ZC3H4: variants seen among roughly 807,000 people sequenced by gnomAD.
The protein encoded by ZC3H4 is zinc finger CCCH domain-containing protein 4.
A neutral mutation model predicts 108.3 loss-of-function variants in ZC3H4; 13 were observed. The ratio of observed to expected loss-of-function variants is 0.12; its 90% CI spans 0.08 to 0.19. The LOEUF (loss-of-function observed/expected upper bound fraction) is 0.19, where lower values mean the gene tolerates loss of function less well. Among genes scored for constraint, ZC3H4 ranks in the 10% least tolerant of loss-of-function variants. The probability of loss-of-function intolerance (pLI) is 1.00; values close to 1 mark genes in which losing one functional copy is unlikely to be tolerated. For missense variants in ZC3H4, 1,734 were observed against 1,838.8 expected (o/e 0.94, Z 1.04); for synonymous variants, 917 against 749.6 (o/e 1.22, Z -3.65).
At chr19:47,111,643 T>C (rs553039835) in intron 2 of ZC3H4, among the ~76,000 whole-genome samples, 1 of 151,594 alleles carries the variant, frequency 6.6e-6, no homozygotes, top group East Asian at 2.0e-4. Flanking sequence ...GAGTCTTCTC[T>C]AAAAAAATAG....
intron 11 of ZC3H4, 101 bp downstream of exon 11, chr19:47,081,411 TG>T: frequency 1.1e-6 from 1 of 885,450 alleles, no homozygotes. Context: ...TCAACCAAAC[TG>T]GGCACTGCAG....
At chr19:47,070,161 C>T (rs2057300943) in intron 13 of ZC3H4, among the ~76,000 whole-genome samples, 2 of 152,110 alleles carry the variant, frequency 1.3e-5, no homozygotes, top group South Asian at 4.1e-4. Flanking sequence ...GTCAGTGCTG[C>T]CCCACAGAAC....
chr19:47,095,636 T>C (rs1215616394), intron 2 of ZC3H4, among the ~76,000 whole-genome samples: 1 of 152,002 alleles, frequency 6.6e-6, no homozygotes, highest in African/African-American at 2.4e-5. Context: ...TAAATATCTA[T>C]GGGGTGGGGT....
chr19:47,075,610 GCACA>G (rs913309094), intron 11 of ZC3H4, among the ~76,000 whole-genome samples: 1 of 151,604 alleles, frequency 6.6e-6, no homozygotes, highest in African/African-American at 2.4e-5. Context: ...GTGTGTGTGC[GCACA>G]CACACATACA....
chr19:47,081,008 G>A (rs958584622), intron 11 of ZC3H4, among the ~76,000 whole-genome samples: 1 of 152,022 alleles, frequency 6.6e-6, no homozygotes, highest in Non-Finnish European at 1.5e-5. Context: ...GCCTGCCTTG[G>A]CCTCCCAAAG....
chr19:47,112,266 G>GAGCA (rs2058049963), intron 2 of ZC3H4, 158 bp downstream of exon 2: 1 of 1,135,082 alleles, frequency 8.8e-7, no homozygotes, highest in Admixed American at 4.3e-5. Context: ...AAGAGCGAGC[G>GAGCA]AGCAAGCGAT....
At chr19:47,112,109 G>C (rs1049569286) in intron 2 of ZC3H4, 1 of 1,055,540 alleles carries the variant, frequency 9.5e-7, no homozygotes, top group East Asian at 6.5e-5. Flanking sequence ...CCCCAGGACA[G>C]GCGGACGGGC....
chr19:47,072,852 G>A lies in ZC3H4; in HGVS notation c.1441-139C>T. ...GATCTAAAGGCATAAAGACCACAAT[G>A]GCTCTGTAACAAAAATCATCATCAG... is the stretch of plus-strand genomic sequence containing the variant. On this transcript the variant is annotated intron_variant, in intron 11 of 14. Coordinates refer to ENST00000253048, the MANE Select transcript of ZC3H4 (RefSeq NM_015168.2). The surrounding 1 kb of genome is among the most constrained non-coding windows in gnomAD (Gnocchi z 5.6). 1.0e-6 allele frequency: 1 copy of A among 964,632 alleles called. No individual in the cohort carries two copies. Among genetic ancestry groups the A allele is most frequent in the Non-Finnish European group, 1.5e-6 (1 of 663,476 alleles). 59.8% of individuals were successfully genotyped at this position (964,632 alleles called of 1,614,324 possible). A position where few individuals can be genotyped will look rare whatever the true frequency, so the allele number is the denominator to read the frequency against.
chr19:47,078,891 G>GT (rs1410516440), intron 11 of ZC3H4, among the ~76,000 whole-genome samples: 2 of 151,900 alleles, frequency 1.3e-5, no homozygotes, highest in African/African-American at 4.8e-5. Flanking sequence ...GCCGGGTGTG[G>GT]TGGTGGGCGC....
At chr19:47,109,088 C>A (rs1444911795) in intron 2 of ZC3H4, among the ~76,000 whole-genome samples, 1 of 152,096 alleles carries the variant, frequency 6.6e-6, no homozygotes, top group South Asian at 2.1e-4. Flanking sequence ...CTGAGTGACA[C>A]CCTTTTCTTT....
chr19:47,081,789 GGA>G (rs1568544864), intron 10 of ZC3H4, among the ~76,000 whole-genome samples, 167 bp from the exon 11 acceptor site: 1 of 152,192 alleles, frequency 6.6e-6, no homozygotes, highest in Non-Finnish European at 1.5e-5. Context: ...GGAAATCCAC[GGA>G]GAGACCCCGG....
intron 2 of ZC3H4, among the ~76,000 whole-genome samples, chr19:47,107,013 A>G (rs1227378633): frequency 6.6e-6 from 1 of 152,150 alleles, no homozygotes; most frequent in Admixed American, 6.6e-5. Flanking sequence ...TACAGCACTG[A>G]CTCGGACTCT....
intron 2 of ZC3H4, among the ~76,000 whole-genome samples, chr19:47,103,005 C>A (rs1261010501): frequency 1.3e-5 from 2 of 152,136 alleles, no homozygotes; most frequent in African/African-American, 2.4e-5. Flanking sequence ...CTTGTGGAGA[C>A]AAAGATGCCA....
chr19:47,072,744 G>A lies in ZC3H4; in HGVS notation c.1441-31C>T. 3 of 1,610,998 alleles carry A rather than the reference G, an allele frequency of 1.9e-6. No homozygotes were observed. The highest frequency in any genetic ancestry group is 2.5e-6 in the Non-Finnish European group (3 of 1,179,628). The stretch of plus-strand genomic sequence containing the variant: ...GGTGTGAAAGAACAAAAGAAGGTGT[G>A]GACGGGGTCAGGATGGAAACGGACC... On this transcript the variant is annotated intron_variant, in intron 11 of 14. Transcript: ENST00000253048. This position sits in a 1 kb window ranked among gnomAD's most constrained non-coding sequence, Gnocchi z 5.6.
Position 47,112,570 on chromosome 19 carries a change from G to T in ZC3H4, c.15C>A (p.Pro5=). ...CTGATGGCGGCGGCGGGGGGGTCCC[G>T]GGCGCGGCCTCCATAGTTCCTTTGG... MEAA[P]GTPPPPPSES... Residue 5 remains proline, a synonymous_variant, in exon 2 of 15, where the codon CCC becomes CCA. Transcript: ENST00000253048. 2.6e-6 allele frequency: 3 copies of T among 1,139,806 alleles called. No individual in the cohort carries two copies. Among genetic ancestry groups the T allele is most frequent in the African/African-American group, 1.6e-5 (1 of 62,976 alleles). The allele number at this position is 1,139,806 out of a possible 1,614,324, so 70.6% of individuals were successfully genotyped here. A position where few individuals can be genotyped will look rare whatever the true frequency, so the allele number is the denominator to read the frequency against.
At chr19:47,081,761 C>T in intron 10 of ZC3H4, 139 bp from the exon 11 acceptor site, 2 of 739,972 alleles carry the variant, frequency 2.7e-6, no homozygotes, top group South Asian at 1.7e-5. Context: ...GTGCTAAGGG[C>T]TGCTCAGTGG....
In ZC3H4 at chr19:47,085,056, G is replaced by A; in HGVS notation, c.1107C>T (p.Gly369=). ...TCAGATCAGAGTGGAGTCAACTCAC[G>A]CCCATGTCCTCGTCATAGAAGTCTT... ...DDEDFYDEDM[G]DGGGGSYRSR... Residue 369 remains glycine (G), a splice_region_variant and synonymous_variant, in exon 8 of 15, where the codon GGC becomes GGT. Transcript: ENST00000253048. The A allele has an allele frequency of 6.2e-6, 10 of 1,614,176 alleles. No individual in the cohort carries two copies. Among genetic ancestry groups the A allele is most frequent in the Non-Finnish European group, 8.5e-6 (10 of 1,180,028 alleles).
chr19:47,066,268 C>T lies in ZC3H4; in HGVS notation c.*88G>A. The T allele has an allele frequency of 9.2e-7, 1 of 1,086,188 alleles. No homozygotes were observed. The highest frequency in any genetic ancestry group is 2.3e-5 in the South Asian group (1 of 43,510). The allele number at this position is 1,086,188 out of a possible 1,614,324, so 67.3% of individuals were successfully genotyped here. On this transcript the variant is annotated 3_prime_UTR_variant, in exon 15 of 15. Transcript: ENST00000253048. ...AAGAAAAAAGGAACACCCAGCCTGCCTCCCCTTGCCCCCAAGTTCCCTACC... is the reference window on the plus strand; with the variant it reads ...AAGAAAAAAGGAACACCCAGCCTGCTTCCCCTTGCCCCCAAGTTCCCTACC...
At chr19:47,112,170 A>G (rs189178194) in intron 2 of ZC3H4, 1 of 1,147,376 alleles carries the variant, frequency 8.7e-7, no homozygotes, top group Non-Finnish European at 1.1e-6. Context: ...ATGGCGCCCA[A>G]AAAAGACAGA....
Sources: gnomAD v4.1 joint callset for allele counts (sites outside exome capture counted in the v4.1 genomes callset) on GRCh38, gnomAD v4.1.1 for gene constraint, Gnocchi (gnomAD v3.1) non-coding constraint, MANE v1.5 for transcripts, NCBI Gene and HGNC (gene_info 2026-07-23, HGNC 2026-07-21) for gene names.